LYST: variants seen among roughly 807,000 people sequenced by gnomAD.
LYST encodes lysosomal trafficking regulator.
A neutral mutation model predicts 413.6 loss-of-function variants in LYST; 192 were observed. The ratio of observed to expected loss-of-function variants is 0.46; its 90% confidence interval spans 0.41 to 0.52. The LOEUF (loss-of-function observed/expected upper bound fraction) is 0.52, where lower values mean the gene tolerates loss of function less well. Among genes scored for constraint, LYST ranks in the 20% least tolerant of loss-of-function variants. The probability of loss-of-function intolerance (pLI) is 0.00; values close to 1 mark genes in which losing one functional copy is unlikely to be tolerated. For synonymous variants in LYST, 1,525 were observed against 1,567.3 expected (o/e 0.97, Z 0.64); for missense variants, 3,815 against 4,499.9 (o/e 0.85, Z 4.35).
chr1:235,782,748 G>C (rs759020968), intron 14 of LYST, among the ~76,000 whole-genome samples: 3 of 152,066 alleles, frequency 2.0e-5, no homozygotes, highest in Non-Finnish European at 4.4e-5. Flanking sequence ...CTCCCATCTT[G>C]ACAAACAATT....
intron 3 of LYST, among the ~76,000 whole-genome samples, chr1:235,823,892 G>C (rs761778130): frequency 1.3e-5 from 2 of 152,182 alleles, no homozygotes; most frequent in Non-Finnish European, 2.9e-5. Flanking sequence ...AAAGCGAAGA[G>C]CTCCTGGTAA....
rs769600064 is a variant in LYST, at chr1:235,728,129, T to C, written c.9109A>G (p.Lys3037Glu). ...TCTTCCACAAAATACATTCCACATT[T>C]ACCTGCAGAAAGTAATTGGATATAA... The part of the protein sequence containing the change: ...RETAGELLLG[K>E]CGMYFVEDNA... The change falls in exon 38 of 53, where the codon AAA becomes GAA. Residue 3037 changes from lysine (K) to glutamate (E), a missense_variant and splice_region_variant. Physicochemically the swap from Lys to Glu is moderately conservative, Grantham distance 56. Coordinates refer to ENST00000389793, the MANE Select transcript of LYST (RefSeq NM_000081.4). 29 of 1,610,070 alleles carry C rather than the reference T, an allele frequency of 1.8e-5. No individual in the cohort carries two copies. Among genetic ancestry groups the C allele is most frequent in the Non-Finnish European group, 2.2e-5 (26 of 1,176,578 alleles).
Position 235,759,597 on chromosome 1 carries a change from C to T in LYST, c.6256G>A (p.Glu2086Lys), listed in dbSNP as rs1262387417. 2.5e-6 allele frequency: 4 copies of T among 1,611,680 alleles called. No individual in the cohort carries two copies. The African/African-American group carries it at 5.3e-5, about 22-fold the overall frequency. Residue 2086 changes from glutamate (E) to lysine (K), a missense_variant and splice_region_variant, in exon 23 of 53, where the codon GAG (glutamate) becomes AAG (lysine). Glu to Lys is a moderately conservative substitution (Grantham distance 56). Coordinates refer to ENST00000389793, the MANE Select transcript of LYST (RefSeq NM_000081.4). The stretch of plus-strand genomic sequence containing the variant: ...TGTGGAATAATATTAGAGGAATTCT[C>T]TCCTGGTAAGAGTAGATACAAAAAT... ...SGFTASPYEG[E>K]NSSNIIPQQM...
At chr1:235,769,967 C>T (rs956328143) in intron 20 of LYST, among the ~76,000 whole-genome samples, 193 bp downstream of exon 20, 30 of 151,072 alleles carry the variant, frequency 2.0e-4, no homozygotes, top group Non-Finnish European at 1.2e-4. Context: ...ATTATGACAG[C>T]GTGATGATCA....
At chr1:235,848,588 G>T (rs959583660) in intron 1 of LYST, among the ~76,000 whole-genome samples, 1 of 152,028 alleles carries the variant, frequency 6.6e-6, no homozygotes, top group African/African-American at 2.4e-5. Context: ...GAAACAAAAA[G>T]CTGGTTCTTT....
At position 235,731,199 on chromosome 1, in the gene LYST, G is replaced by C. The variant is rs983507523; in HGVS notation, c.8802-22C>G. On this transcript the variant is annotated intron_variant, in intron 34 of 52. Transcript: ENST00000389793. ...TGCTCTGCAAGTAAAAAGATTAAAGGGTGTTTTAAGTGACCATCCAGGACT... is the reference window on the plus strand; with the variant it reads ...TGCTCTGCAAGTAAAAAGATTAAAGCGTGTTTTAAGTGACCATCCAGGACT... The C allele has an allele frequency of 8.7e-6, 14 of 1,612,384 alleles. No homozygotes were observed. The African/African-American group carries it at 1.1e-4, about 12-fold the overall frequency.
In LYST at chr1:235,775,063, T is replaced by C; in HGVS notation, c.5484A>G (p.Glu1828=). The C allele has an allele frequency of 1.2e-6, 2 of 1,611,838 alleles. 1 individual carries two copies. Among genetic ancestry groups the C allele is most frequent in the South Asian group, 2.2e-5 (2 of 91,062 alleles). ...FARVVELSSC[E]ETQALALRVI... is the part of the protein sequence containing the mutation. ...CTCGCAGTGCTAATGCTTGAGTTTC[T>C]TCACAGCTACTGAGTTCAACAACCT... The change falls in exon 18 of 53, where the codon GAA becomes GAG. Residue 1828 remains glutamate, a synonymous_variant. Transcript: ENST00000389793.
Position 235,664,430 on chromosome 1 carries a change from T to G in LYST, c.11195+35A>C. On this transcript the variant is annotated intron_variant, in intron 51 of 52. Transcript: ENST00000389793. This position sits in a 1 kb window ranked among gnomAD's most constrained non-coding sequence, Gnocchi z 4.5. ...TCTGAAACTCCTGTGTCCTTATGAA[T>G]GAAATCAAAAAAAGAGAATCCAAAT... 1 of 1,600,790 alleles carries G rather than the reference T, an allele frequency of 6.2e-7. No homozygotes were observed. Among genetic ancestry groups the G allele is most frequent in the Non-Finnish European group, 8.6e-7 (1 of 1,168,336 alleles).
intron 48 of LYST, among the ~76,000 whole-genome samples, chr1:235,678,115 C>T (rs1039100172): frequency 1.9e-4 from 29 of 150,720 alleles, no homozygotes; most frequent in African/African-American, 6.7e-4. Context: ...AGAGGGCAGA[C>T]CTTTGGGAAA....
chr1:235,751,394 G>C (rs1666484020), intron 27 of LYST, 32 bp from the exon 28 acceptor site: 1 of 1,588,736 alleles, frequency 6.3e-7, no homozygotes, highest in African/African-American at 1.3e-5. Context: ...ATGTTTTCAA[G>C]CTATGTGGTT....
intron 42 of LYST, 35 bp downstream of exon 42, chr1:235,715,166 C>G: frequency 6.4e-7 from 1 of 1,573,542 alleles, no homozygotes; most frequent in Non-Finnish European, 8.7e-7. Context: ...TCTGATGACC[C>G]AACATGACTT....
intron 44 of LYST, among the ~76,000 whole-genome samples, chr1:235,708,190 T>C (rs1446207603): frequency 2.0e-5 from 3 of 152,314 alleles, no homozygotes; most frequent in Non-Finnish European, 4.4e-5. Flanking sequence ...GATACATATG[T>C]ATAGATAGAA....
intron 31 of LYST, chr1:235,737,916 A>AATGAAGTGGTGTAGATCTCGGTG: frequency 8.6e-7 from 1 of 1,163,406 alleles, no homozygotes; most frequent in Admixed American, 4.4e-5. Context: ...GCTGCCGACG[A>AATGAAGTGGTGTAGATCTCGGTG]GTCTGGATCT....
intron 1 of LYST, among the ~76,000 whole-genome samples, chr1:235,861,198 T>C (rs1679830371): frequency 6.6e-6 from 1 of 152,234 alleles, no homozygotes; most frequent in African/African-American, 2.4e-5. Flanking sequence ...TATGTCCTCA[T>C]CCATTTTATG....
At chr1:235,738,655 G>C in intron 31 of LYST, 1 of 1,607,414 alleles carries the variant, frequency 6.2e-7, no homozygotes, top group Non-Finnish European at 8.5e-7. Context: ...CCAGATTTAG[G>C]GACTGACATA....
In LYST at chr1:235,677,502, A is replaced by C; in HGVS notation, c.10918T>G (p.Cys3640Gly). ...TACCTGTTTAAATCCCATATGATGCAGGTTCCGTCTCTGCTCACACTTATC... is the reference window on the plus strand; with the variant it reads ...TACCTGTTTAAATCCCATATGATGCCGGTTCCGTCTCTGCTCACACTTATC... ...ILISVSRDGT[C>G]IIWDLNRLCY... Residue 3640 changes from cysteine (C) to glycine (G), a missense_variant, in exon 49 of 53, where the codon TGC (cysteine) becomes GGC (glycine). By Grantham distance (159) the Cys-to-Gly change is radical. Around this residue, in one of 4 missense-constraint regions of LYST, gnomAD observed 866 missense variants for 1,156.0 expected, o/e 0.75. Coordinates refer to ENST00000389793, the MANE Select transcript of LYST (RefSeq NM_000081.4). 1 of 1,613,772 alleles carries C rather than the reference A, an allele frequency of 6.2e-7. No homozygotes were observed.
chr1:235,663,868 C>T, intron 52 of LYST, 116 bp downstream of exon 52: 1 of 909,150 alleles, frequency 1.1e-6, no homozygotes, highest in East Asian at 2.4e-5. Context: ...AAGTGGTTGG[C>T]TTTTCATGAT....
At chr1:235,827,190 C>A (rs988063781) in intron 3 of LYST, among the ~76,000 whole-genome samples, 1 of 151,964 alleles carries the variant, frequency 6.6e-6, no homozygotes, top group Admixed American at 6.6e-5. Flanking sequence ...ATGGCAAAAC[C>A]CTGTTTCTAC....
intron 40 of LYST, among the ~76,000 whole-genome samples, chr1:235,718,595 G>T (rs1663058664): frequency 6.6e-6 from 1 of 152,032 alleles, no homozygotes; most frequent in Non-Finnish European, 1.5e-5. Context: ...TCTGAATTAG[G>T]CCCACTCTTT....
Sources: gnomAD v4.1 joint callset for allele counts (sites outside exome capture counted in the v4.1 genomes callset) on GRCh38, gnomAD v4.1.1 for gene constraint, gnomAD v4.1.1 regional missense constraint, Gnocchi (gnomAD v3.1) non-coding constraint, MANE v1.5 for transcripts, NCBI Gene and HGNC (gene_info 2026-07-23, HGNC 2026-07-21) for gene names.